VPS39: variants seen among roughly 807,000 people sequenced by gnomAD.
VPS39 encodes the protein vam6/Vps39-like protein.
In VPS39, 70 loss-of-function variants were observed where a neutral mutation model predicts 121.0. The observed-to-expected ratio is 0.58, with a 90% CI of 0.48 to 0.71. VPS39 has a LOEUF of 0.71. VPS39 is among the 30% of genes least tolerant of loss of function. VPS39 has a pLI of 0.00. For missense variants in VPS39, 818 were observed against 1,051.5 expected (o/e 0.78, Z 3.07); for synonymous variants, 378 against 398.1 (o/e 0.95, Z 0.60).
chr15:42,208,051 C>T, intron 1 of VPS39, 30 bp downstream of exon 1: 4 of 1,558,932 alleles, frequency 2.6e-6, no homozygotes, highest in Non-Finnish European at 1.7e-6. Context: ...TGTGCTGACT[C>T]CGCCTCGGCC....
chr15:42,164,635 T>C, intron 18 of VPS39, 149 bp from the exon 19 acceptor site: 1 of 1,443,096 alleles, frequency 6.9e-7, no homozygotes, highest in African/African-American at 1.4e-5. Flanking sequence ...TTCTTTTAGT[T>C]CATAGTCTCC....
At chr15:42,197,259 G>C (rs2049960864) in intron 2 of VPS39, among the ~76,000 whole-genome samples, 1 of 151,056 alleles carries the variant, frequency 6.6e-6, no homozygotes, top group African/African-American at 2.4e-5. Flanking sequence ...ACACCAACAT[G>C]GCACATGTAT....
At chr15:42,186,372 C>T (rs1389987839) in intron 7 of VPS39, among the ~76,000 whole-genome samples, 1 of 152,140 alleles carries the variant, frequency 6.6e-6, no homozygotes, top group East Asian at 1.9e-4. Context: ...GCCCAGGAGA[C>T]GGAGGCTGCA....
chr15:42,169,982 AAG>A, intron 11 of VPS39, 116 bp from the exon 12 acceptor site: 1 of 1,172,044 alleles, frequency 8.5e-7, no homozygotes, highest in East Asian at 2.5e-5. Flanking sequence ...AAAAAAAAAA[AAG>A]ACTCTCAGTT....
chr15:42,188,572 C>T lies in VPS39; in HGVS notation c.342+542G>A, dbSNP rs140227355. 5.1e-3 allele frequency among the ~76,000 whole-genome samples: 781 copies of T among 152,286 alleles called. 4 individuals are homozygous for T. The highest frequency in any genetic ancestry group is 8.2e-3 in the Non-Finnish European group (557 of 68,014). ...GAGAGTTTTTGTCCTCGGTTAGCTG[C>T]CTCTTGCCAATAGTATTAGATTCTC... On this transcript the variant is annotated intron_variant, in intron 5 of 24. Coordinates refer to ENST00000318006, the MANE Select transcript of VPS39 (RefSeq NM_015289.5).
Position 42,208,289 on chromosome 15 carries a change from A to T in VPS39, c.-136T>A. 1 of 1,139,868 alleles carries T rather than the reference A, an allele frequency of 8.8e-7. No individual in the cohort carries two copies. The highest frequency in any genetic ancestry group is 1.2e-6 in the Non-Finnish European group (1 of 817,238). 70.6% of individuals were successfully genotyped at this position (1,139,868 alleles called of 1,614,324 possible). A position where few individuals can be genotyped will look rare whatever the true frequency, so the allele number is the denominator to read the frequency against. On this transcript the variant is annotated 5_prime_UTR_variant, in exon 1 of 25. Transcript: ENST00000318006. ...CCGGCTACAGGCCCTTCAACAACAC[A>T]GCCATCGTCAACCCCGGACTTCCTG...
chr15:42,180,894 T>C (rs918108907), intron 8 of VPS39, among the ~76,000 whole-genome samples: 10 of 152,058 alleles, frequency 6.6e-5, no homozygotes, highest in South Asian at 4.1e-4. Context: ...TATGGAAAAA[T>C]TGGAACCCTT....
At chr15:42,195,114 C>G (rs1034217406) in intron 2 of VPS39, among the ~76,000 whole-genome samples, 1 of 152,086 alleles carries the variant, frequency 6.6e-6, no homozygotes. Flanking sequence ...AGGCCTCAGA[C>G]ATGAACAAAT....
chr15:42,167,301 T>C (rs944814078), intron 13 of VPS39, 93 bp downstream of exon 13: 2 of 1,468,714 alleles, frequency 1.4e-6, no homozygotes, highest in Non-Finnish European at 9.2e-7. Context: ...CTCTTACTAA[T>C]GGCAGGTCCC....
intron 2 of VPS39, among the ~76,000 whole-genome samples, chr15:42,195,775 T>C (rs2049924002): frequency 1.3e-5 from 2 of 152,222 alleles, no homozygotes; most frequent in Non-Finnish European, 2.9e-5. Flanking sequence ...AATGCCATCC[T>C]CATCAAGCTA....
chr15:42,207,812 G>A (rs2050206675), intron 1 of VPS39, among the ~76,000 whole-genome samples: 1 of 152,166 alleles, frequency 6.6e-6, no homozygotes, highest in Non-Finnish European at 1.5e-5. Context: ...AACTAAAAAG[G>A]AAAGCTCATC....
At chr15:42,189,604 C>T (rs1406606361) in intron 4 of VPS39, among the ~76,000 whole-genome samples, 4 of 151,434 alleles carry the variant, frequency 2.6e-5, no homozygotes, top group Admixed American at 6.6e-5. Flanking sequence ...TGGTGGGTGC[C>T]TGTAATCCCA....
rs61761618 is a variant in VPS39 at position 42,165,774 on chromosome 15, C to A, written c.1723G>T (p.Asp575Tyr). The A allele has an allele frequency of 4.1e-3, 6,678 of 1,614,142 alleles. 23 individuals are homozygous for A. The highest frequency in any genetic ancestry group is 5.2e-3 in the Non-Finnish European group (6,130 of 1,179,988). ...DLPEVESLPR[D>Y]RVLGFLIENF... ...TCTATTAAGAAGCCGAGGACTCGAT[C>A]ACGTGGCAGAGACTCCACTTCCGGG... Residue 575 changes from aspartate (D) to tyrosine (Y), a missense_variant, in exon 17 of 25, where the codon GAT becomes TAT. Transcript: ENST00000318006.
At chr15:42,176,733 T>C (rs1361992466) in intron 10 of VPS39, among the ~76,000 whole-genome samples, 3 of 152,220 alleles carry the variant, frequency 2.0e-5, no homozygotes, top group Non-Finnish European at 4.4e-5. Context: ...GTAAATGTTC[T>C]TCACGAGTAG....
At chr15:42,193,813 C>T (rs971504917) in intron 2 of VPS39, among the ~76,000 whole-genome samples, 1 of 150,482 alleles carries the variant, frequency 6.6e-6, no homozygotes, top group African/African-American at 2.5e-5. Flanking sequence ...CAAATACTGC[C>T]AGTTGTTTAC....
At chr15:42,186,010 C>G (rs183094418) in intron 7 of VPS39, among the ~76,000 whole-genome samples, 1 of 152,162 alleles carries the variant, frequency 6.6e-6, no homozygotes, top group African/African-American at 2.4e-5. Context: ...ATTCCTTGTG[C>G]GCTCTCTCAC....
chr15:42,179,843 C>T (rs1206874964), intron 8 of VPS39, among the ~76,000 whole-genome samples: 1 of 152,034 alleles, frequency 6.6e-6, no homozygotes, highest in Non-Finnish European at 1.5e-5. Context: ...ACTTAATCCT[C>T]AGTGCAAAAG....
intron 12 of VPS39, among the ~76,000 whole-genome samples, 186 bp from the exon 13 acceptor site, chr15:42,167,723 C>A (rs980007221): frequency 6.6e-6 from 1 of 152,116 alleles, no homozygotes; most frequent in Admixed American, 6.6e-5. Context: ...ATATTTACTA[C>A]AGACCAGGCA....
chr15:42,183,025 A>G (rs2049616227), intron 8 of VPS39, among the ~76,000 whole-genome samples: 1 of 151,740 alleles, frequency 6.6e-6, no homozygotes, highest in Admixed American at 6.6e-5. Context: ...TAAAATACTG[A>G]CCTTTTGATT....
Sources: gnomAD v4.1 joint callset for allele counts (sites outside exome capture counted in the v4.1 genomes callset) on GRCh38, gnomAD v4.1.1 for gene constraint, MANE v1.5 for transcripts, NCBI Gene and HGNC (gene_info 2026-07-23, HGNC 2026-07-21) for gene names.